The following CAST variants were observed in gnomAD, a reference collection of about 807,000 sequenced individuals.
CAST encodes the protein MIR583 host.
A neutral mutation model predicts 119.6 loss-of-function variants in CAST; 76 were observed. The ratio of observed to expected loss-of-function variants is 0.64; its 90% CI spans 0.53 to 0.77. The LOEUF is 0.77. CAST is among the 30% of genes least tolerant of loss of function. CAST has a pLI of 0.00. For missense variants in CAST, 953 were observed against 946.5 expected, an observed-to-expected ratio of 1.01 and a Z score of -0.09; for synonymous variants, 319 against 331.6, an observed-to-expected ratio of 0.96 and a Z score of 0.41.
At chr5:96,222,245 C>T in the CAST span, among the ~76,000 whole-genome samples, 1 of 151,940 alleles carries the variant, frequency 6.6e-6, no homozygotes, top group Admixed American at 6.6e-5. Context: ...CCAACTAAAA[C>T]AAAAATAGAC....
the CAST span, among the ~76,000 whole-genome samples, chr5:96,386,039 G>A: frequency 3.9e-5 from 6 of 152,108 alleles, no homozygotes; most frequent in East Asian, 1.2e-3. Context: ...CTCAAAATAA[G>A]GACAATAATA....
the CAST span, among the ~76,000 whole-genome samples, chr5:96,023,115 G>C: frequency 2.6e-5 from 4 of 152,142 alleles, no homozygotes; most frequent in Non-Finnish European, 4.4e-5. Context: ...AAAGGAGATG[G>C]AACAGATGTC....
At chr5:96,625,364 G>A (rs1218364287) in intron 1 of CAST, among the ~76,000 whole-genome samples, 1 of 152,066 alleles carries the variant, frequency 6.6e-6, no homozygotes, top group African/African-American at 2.4e-5. Context: ...TTACTGAACT[G>A]GAATAGACCA....
At chr5:96,740,175 C>T (rs867855262) in intron 12 of CAST, 57 bp downstream of exon 12, 11 of 806,166 alleles carry the variant, frequency 1.4e-5, no homozygotes, top group Admixed American at 2.6e-5. Flanking sequence ...AAAATAATTT[C>T]ATGTCAATAT....
the CAST span, among the ~76,000 whole-genome samples, chr5:96,471,027 C>T: frequency 6.6e-6 from 1 of 152,062 alleles, no homozygotes; most frequent in African/African-American, 2.4e-5. Context: ...ATAGGACATT[C>T]CTTACAATAG....
intron 1 of CAST, among the ~76,000 whole-genome samples, chr5:96,632,015 T>C (rs1277291485): frequency 6.8e-6 from 1 of 147,784 alleles, no homozygotes; most frequent in African/African-American, 2.5e-5. Context: ...CTTGTTATTG[T>C]CCTTTTAAAA....
At chr5:96,167,170 C>T in the CAST span, among the ~76,000 whole-genome samples, 9 of 152,008 alleles carry the variant, frequency 5.9e-5, no homozygotes, top group Non-Finnish European at 1.2e-4. Context: ...ATTAGAGTGC[C>T]CAAGGAGCTT....
the CAST span, among the ~76,000 whole-genome samples, chr5:96,418,125 G>A: frequency 6.6e-6 from 1 of 152,204 alleles, no homozygotes; most frequent in Non-Finnish European, 1.5e-5. Flanking sequence ...TCTAGTGAGA[G>A]CTGCAGGAGG....
chr5:96,674,408 CATTTTATATTTTG>C (rs552532584), intron 1 of CAST, among the ~76,000 whole-genome samples: 325 of 151,786 alleles, frequency 2.1e-3, no homozygotes, highest in African/African-American at 7.5e-3. Flanking sequence ...AACATAATAG[CATTTTATATTTTG>C]ATTCAATTGA....
At chr5:96,412,777 G>GTTTTTTTTTTTTTTTTT in the CAST span, 2 of 185,854 alleles carry the variant, frequency 1.1e-5, no homozygotes, top group African/African-American at 5.3e-4. Context: ...TTTTTTTTTG[G>GTTTTTTTTTTTTTTTTT]TCCCACTCAA....
the CAST span, among the ~76,000 whole-genome samples, chr5:96,378,507 G>A: frequency 6.6e-6 from 1 of 152,032 alleles, no homozygotes; most frequent in Admixed American, 6.6e-5. Context: ...CCTGAAAAAT[G>A]TGTGCCAGTT....
intron 4 of CAST, among the ~76,000 whole-genome samples, chr5:96,722,899 G>A (rs1214741124): frequency 1.3e-5 from 2 of 152,076 alleles, no homozygotes; most frequent in Non-Finnish European, 2.9e-5. Context: ...CATCTACATG[G>A]TTTTAGGTTA....
At chr5:96,497,591 T>A in the CAST span, among the ~76,000 whole-genome samples, 2 of 152,200 alleles carry the variant, frequency 1.3e-5, no homozygotes, top group African/African-American at 4.8e-5. Flanking sequence ...TGGTTTTGAT[T>A]TGCATTTCTC....
At chr5:96,466,627 C>T in the CAST span, among the ~76,000 whole-genome samples, 1 of 151,888 alleles carries the variant, frequency 6.6e-6, no homozygotes, top group South Asian at 2.1e-4. Context: ...CATAGATATG[C>T]TTTCATACTT....
At chr5:96,165,646 C>T in the CAST span, among the ~76,000 whole-genome samples, 32 of 152,294 alleles carry the variant, frequency 2.1e-4, no homozygotes, top group Admixed American at 6.5e-4. Flanking sequence ...TTCTCACAGA[C>T]TGCTTTTATT....
chr5:96,574,031 T>C lies in CAST; in HGVS notation c.60+44151T>C, dbSNP rs1230860685. On this transcript the variant is annotated intron_variant, in intron 1 of 11. Transcript: ENST00000505143. ...ATCACACATTTGCCCACTTTCTTTT[T>C]TTTTTTTTTTTTTTTTTTTTTTTTT... is the stretch of plus-strand genomic sequence containing the variant. 5.8e-4 allele frequency among the ~76,000 whole-genome samples: 4 copies of C among 6,942 alleles called. 1 individual carries two copies. The highest frequency in any genetic ancestry group is 1.8e-3 in the African/African-American group (1 of 544). 4.6% of individuals were successfully genotyped at this position (6,942 alleles called of 152,430 possible).
At chr5:96,062,957 A>C in the CAST span, among the ~76,000 whole-genome samples, 1 of 152,080 alleles carries the variant, frequency 6.6e-6, no homozygotes. Flanking sequence ...GTAGGAAAGC[A>C]ATGCACTGAG....
intron 1 of CAST, among the ~76,000 whole-genome samples, chr5:96,644,869 A>G (rs1370818155): frequency 1.3e-5 from 2 of 152,092 alleles, no homozygotes; most frequent in Non-Finnish European, 2.9e-5. Flanking sequence ...CCAGCTACTC[A>G]GGAGGCTGAG....
the CAST span, among the ~76,000 whole-genome samples, chr5:96,099,470 A>G: frequency 2.0e-5 from 3 of 152,186 alleles, no homozygotes; most frequent in Non-Finnish European, 4.4e-5. Context: ...TTTGTCATAT[A>G]TGGATCTTAT....
Sources: allele counts gnomAD v4.1 joint callset (sites outside exome capture counted in the v4.1 genomes callset), GRCh38; gene constraint gnomAD v4.1.1; transcripts MANE v1.5; gene names NCBI Gene and HGNC (gene_info 2026-07-23, HGNC 2026-07-21).